Variants in EGF observed in about 807,000 individuals in gnomAD.
EGF encodes epidermal growth factor, also known as pro-epidermal growth factor.
EGF carries 95 observed loss-of-function variants against 143.8 expected under a neutral mutation model. That is an observed-to-expected ratio of 0.66 (90% CI 0.56 to 0.78). The LOEUF is 0.78. Among genes scored for constraint, EGF ranks in the 30% least tolerant of loss-of-function variants. The pLI is 0.00. For missense variants in EGF, 1,320 were observed against 1,470.9 expected (o/e 0.90, Z 1.68); for synonymous variants, 510 against 510.5 (o/e 1.00, Z 0.01).
chr4:110,006,054 A>T (rs1010789864), intron 22 of EGF, among the ~76,000 whole-genome samples: 3 of 151,510 alleles, frequency 2.0e-5, no homozygotes, highest in African/African-American at 7.3e-5. Context: ...GGGGAAAAAA[A>T]TAGAGGCTGG....
Position 109,980,007 on chromosome 4 carries a change from G to A in EGF, c.2089G>A (p.Val697Met), listed in dbSNP as rs1749096338. ...TGCTGTAGCAGTGTTTGAGGATTAT[G>A]TGTGGTTCTCAGATTGGGCTATGCC... ...PFAVAVFEDYVWFSDWAMPSV... is the reference protein window; with the variant it reads ...PFAVAVFEDYMWFSDWAMPSV... Residue 697 changes from valine (V) to methionine (M), a missense_variant, in exon 14 of 24, where the codon GTG (valine) becomes ATG (methionine). Physicochemically the swap from Val to Met is conservative, Grantham distance 21. Around this residue, in one of 5 missense-constraint regions of EGF, gnomAD observed 1,186 missense variants for 1,313.7 expected, o/e 0.90. Coordinates refer to ENST00000265171, the MANE Select transcript of EGF (RefSeq NM_001963.6). The A allele has an allele frequency of 1.2e-6, 2 of 1,614,086 alleles. No individual in the cohort carries two copies. Among genetic ancestry groups the A allele is most frequent in the East Asian group, 2.2e-5 (1 of 44,890 alleles).
intron 13 of EGF, chr4:109,977,370 A>C (rs773563099): frequency 6.6e-6 from 1 of 152,196 alleles, no homozygotes; most frequent in Non-Finnish European, 1.5e-5. Flanking sequence ...AAAATTAAAG[A>C]TATACTTCAC....
Position 110,008,199 on chromosome 4 carries a change from A to T in EGF, c.3339A>T (p.Pro1113=). The T allele has an allele frequency of 6.2e-7, 1 of 1,614,088 alleles. No homozygotes were observed. Among genetic ancestry groups the T allele is most frequent in the Non-Finnish European group, 8.5e-7 (1 of 1,179,966 alleles). Residue 1113 remains proline (P), a synonymous_variant, in exon 23 of 24, where the codon CCA becomes CCT. Transcript: ENST00000265171. ...AAGACCTCAAGAATGGGGGTCAACC[A>T]GTGGCTGGTGAGGATGGCCAGGCAG... is the stretch of plus-strand genomic sequence containing the variant. ...EHQDLKNGGQ[P]VAGEDGQAAD...
chr4:109,988,622 C>A lies in EGF; in HGVS notation c.2647C>A (p.Pro883Thr). Residue 883 changes from proline to threonine, a missense_variant, in exon 18 of 24, where the codon CCT becomes ACT. Transcript: ENST00000265171. Reference sequence around the variant, plus strand: ...TGAGATGGGTGTCCCAGTGTGCCCCCCTGCCTCCTCCAAGTGCATCAACAC... The same window carrying A: ...TGAGATGGGTGTCCCAGTGTGCCCCACTGCCTCCTCCAAGTGCATCAACAC... ...ECEMGVPVCP[P>T]ASSKCINTEG... The A allele has an allele frequency of 1.9e-6, 3 of 1,614,078 alleles. No homozygotes were observed. The highest frequency in any genetic ancestry group is 2.2e-5 in the East Asian group (1 of 44,886).
Position 109,983,485 on chromosome 4 carries a change from C to G in EGF, c.2435C>G (p.Ser812Ter), listed in dbSNP as rs760757407. 6.2e-7 allele frequency: 1 copy of G among 1,613,776 alleles called. No individual in the cohort carries two copies. The highest frequency in any genetic ancestry group is 8.5e-7 in the Non-Finnish European group (1 of 1,179,834). Reference protein sequence around the residue: ...PLDILSKTRVSEDNITESQHM... With the variant: ...PLDILSKTRV Reference sequence around the variant, plus strand: ...GACATCTTGTCCAAGACTAGAGTGTCAGAAGATAACATTACAGAATCTCAA... The same window carrying G: ...GACATCTTGTCCAAGACTAGAGTGTGAGAAGATAACATTACAGAATCTCAA... Residue 812 changes from serine to a stop codon, truncating the protein, a stop_gained, in exon 16 of 24, where the codon TCA (serine) becomes TGA (stop). Transcript: ENST00000265171. LOFTEE classifies it high-confidence loss of function.
intron 5 of EGF, among the ~76,000 whole-genome samples, chr4:109,953,617 A>G (rs143222899): frequency 1.3e-5 from 2 of 152,180 alleles, no homozygotes; most frequent in Non-Finnish European, 2.9e-5. Context: ...AAAATAATTG[A>G]CATTTGTATT....
intron 16 of EGF, 34 bp from the exon 17 acceptor site, chr4:109,987,710 A>G: frequency 6.4e-7 from 1 of 1,559,510 alleles, no homozygotes; most frequent in Non-Finnish European, 8.8e-7. Flanking sequence ...TCTAAGGTCT[A>G]GAAATAACTG....
chr4:110,008,215 G>A lies in EGF; in HGVS notation c.3355G>A (p.Gly1119Ser). The change falls in exon 23 of 24, where the codon GGC becomes AGC. Residue 1119 changes from glycine to serine, a missense_variant. Physicochemically the swap from Gly to Ser is moderately conservative, Grantham distance 56. Transcript: ENST00000265171. The part of the protein sequence containing the change: ...NGGQPVAGED[G>S]QAADGSMQPT... ...GGGTCAACCAGTGGCTGGTGAGGATGGCCAGGCAGCAGATGGTCAGTTTTT... is the reference window on the plus strand; with the variant it reads ...GGGTCAACCAGTGGCTGGTGAGGATAGCCAGGCAGCAGATGGTCAGTTTTT... 4 of 1,614,046 alleles carry A rather than the reference G, an allele frequency of 2.5e-6. No homozygotes were observed. The highest frequency in any genetic ancestry group is 3.4e-6 in the Non-Finnish European group (4 of 1,179,964).
At position 109,987,736 on chromosome 4, in the gene EGF, A is replaced by G. The variant is rs773737362; in HGVS notation, c.2492-8A>G. On this transcript the variant is annotated splice_region_variant and splice_polypyrimidine_tract_variant and intron_variant, in intron 16 of 23. Transcript: ENST00000265171. ...GAAATAACTGCACGGGATTCTTGCT[A>G]TTTGTAGATCAAGATGACTGTGCTC... 3 of 1,603,674 alleles carry G rather than the reference A, an allele frequency of 1.9e-6. No individual in the cohort carries two copies. The highest frequency in any genetic ancestry group is 8.5e-7 in the Non-Finnish European group (1 of 1,170,740).
chr4:109,999,870 C>A, intron 21 of EGF, 24 bp downstream of exon 21: 1 of 1,612,480 alleles, frequency 6.2e-7, no homozygotes, highest in South Asian at 1.1e-5. Context: ...TCCTTTGGTA[C>A]TGGAAACCTC....
At chr4:109,964,994 C>T (rs1746316221) in intron 10 of EGF, among the ~76,000 whole-genome samples, 1 of 152,040 alleles carries the variant, frequency 6.6e-6, no homozygotes, top group Non-Finnish European at 1.5e-5. Flanking sequence ...ACCTCTTAAC[C>T]ATGAAAATCA....
At chr4:110,006,006 T>C (rs544975535) in intron 22 of EGF, among the ~76,000 whole-genome samples, 37 of 151,600 alleles carry the variant, frequency 2.4e-4, no homozygotes, top group African/African-American at 9.0e-4. Flanking sequence ...CAGTGTTTCC[T>C]TATTTATTTA....
chr4:109,975,901 G>A, intron 12 of EGF, 111 bp from the exon 13 acceptor site: 1 of 1,211,324 alleles, frequency 8.3e-7, no homozygotes. Flanking sequence ...ATTCCTTAGT[G>A]TACCACTTTA....
chr4:109,938,009 G>A (rs1295465834), intron 1 of EGF, among the ~76,000 whole-genome samples: 1 of 152,070 alleles, frequency 6.6e-6, no homozygotes, highest in African/African-American at 2.4e-5. Flanking sequence ...CTCTTCTCGA[G>A]GAGTATCTTT....
In EGF at chr4:110,013,054, A is replaced by G. The variant is rs1021889979; in HGVS notation, c.*1599A>G. ...GTTTGTGGATATTAGTTAATTATTC[A>G]GTATGATACCTCACCCAGCTAATTT... On this transcript the variant is annotated 3_prime_UTR_variant, in exon 24 of 24. Coordinates refer to ENST00000265171, the MANE Select transcript of EGF (RefSeq NM_001963.6). Among the ~76,000 whole-genome samples the G allele has an allele frequency of 3.3e-5, 5 of 152,210 alleles. No homozygotes were observed. In the East Asian group the frequency reaches 7.7e-4, roughly 23 times the overall value.
chr4:109,935,580 C>G (rs1740623876), intron 1 of EGF, among the ~76,000 whole-genome samples: 1 of 152,118 alleles, frequency 6.6e-6, no homozygotes, highest in Non-Finnish European at 1.5e-5. Context: ...GCCAGAACTT[C>G]CAATACTATG....
chr4:109,980,929 A>T lies in EGF; in HGVS notation c.2325A>T (p.Ser775=). ...CSCREGFMKA[S]DGKTCLALDG... is the part of the protein sequence containing the mutation. ...GTCGTGAAGGTTTTATGAAAGCCTCAGATGGGAAAACGTGTCTGGCTCTGG... is the reference window on the plus strand; with the variant it reads ...GTCGTGAAGGTTTTATGAAAGCCTCTGATGGGAAAACGTGTCTGGCTCTGG... Residue 775 remains serine (S), a synonymous_variant, in exon 15 of 24, where the codon TCA becomes TCT. Transcript: ENST00000265171. The T allele has an allele frequency of 6.2e-7, 1 of 1,614,160 alleles. No individual in the cohort carries two copies. Among genetic ancestry groups the T allele is most frequent in the South Asian group, 1.1e-5 (1 of 91,082 alleles).
chr4:109,984,456 A>G (rs1002064469), intron 16 of EGF, among the ~76,000 whole-genome samples: 8 of 152,194 alleles, frequency 5.3e-5, no homozygotes, highest in African/African-American at 9.7e-5. Context: ...AGAATGTTAG[A>G]TTATATATAC....
At chr4:109,932,225 T>C (rs1739833541) in intron 1 of EGF, among the ~76,000 whole-genome samples, 1 of 151,206 alleles carries the variant, frequency 6.6e-6, no homozygotes, top group Non-Finnish European at 1.5e-5. Context: ...CATTAGTTTA[T>C]TGATTTATTC....
Sources: allele counts gnomAD v4.1 joint callset (sites outside exome capture counted in the v4.1 genomes callset), GRCh38; gene constraint gnomAD v4.1.1; regional missense constraint gnomAD v4.1.1; transcripts MANE v1.5; gene names NCBI Gene and HGNC (gene_info 2026-07-23, HGNC 2026-07-21).